NCK2: variants seen among roughly 807,000 people sequenced by gnomAD.
The protein encoded by NCK2 is cytoplasmic protein NCK2.
A neutral mutation model predicts 33.9 loss-of-function variants in NCK2; 16 were observed. The ratio of observed to expected loss-of-function variants is 0.47; its 90% CI spans 0.32 to 0.72. The LOEUF (loss-of-function observed/expected upper bound fraction) is 0.72. Among genes scored for constraint, NCK2 ranks in the 30% least tolerant of loss-of-function variants. The pLI is 0.03. For synonymous variants in NCK2, 273 were observed against 239.9 expected, an observed-to-expected ratio of 1.14 and a Z score of -1.27; for missense variants, 418 against 537.3, an observed-to-expected ratio of 0.78 and a Z score of 2.19.
rs529903003 is a variant in NCK2, at chr2:105,763,686, G to T, written c.-201+18548G>T. Among the ~76,000 whole-genome samples the T allele has an allele frequency of 1.7e-4, 26 of 152,286 alleles. No homozygotes were observed. In the South Asian group the frequency reaches 4.8e-3, roughly 28 times the overall value. ...GGTTTATAATAACTTCCAGTATCAG[G>T]ACAGTGTAAATGACTTAAAATCTCT... On this transcript the variant is annotated intron_variant, in intron 1 of 4. Transcript: ENST00000233154.
chr2:105,846,686 A>T (rs987815555), intron 2 of NCK2: 6 of 152,224 alleles, frequency 3.9e-5, no homozygotes, highest in Non-Finnish European at 8.8e-5. Flanking sequence ...AGGCGTTGAC[A>T]AGGATGTAGA....
intron 1 of NCK2, among the ~76,000 whole-genome samples, chr2:105,806,450 G>A (rs1675045656): frequency 6.6e-6 from 1 of 152,054 alleles, no homozygotes; most frequent in Non-Finnish European, 1.5e-5. Context: ...TGTTACCCAG[G>A]ATGGTCTCGA....
At chr2:105,796,366 C>T (rs1691080855) in intron 1 of NCK2, among the ~76,000 whole-genome samples, 1 of 152,154 alleles carries the variant, frequency 6.6e-6, no homozygotes, top group South Asian at 2.1e-4. Context: ...TTCCTGTTGC[C>T]TCACTTTAGG....
At position 105,796,555 on chromosome 2, in the gene NCK2, C is replaced by G. The variant is rs893533068; in HGVS notation, c.-200-19875C>G. 2.0e-5 allele frequency among the ~76,000 whole-genome samples: 3 copies of G among 152,130 alleles called. No homozygotes were observed. In the East Asian group the frequency reaches 5.8e-4, roughly 29 times the overall value. On this transcript the variant is annotated intron_variant, in intron 1 of 4. Coordinates refer to ENST00000233154, the MANE Select transcript of NCK2 (RefSeq NM_003581.5). ...GGACATGAGTGTGTGGCACAGAACG[C>G]AGGTGTTCAGATCGGCAGCGTCTGG...
chr2:105,859,246 A>G (rs1321843448), intron 3 of NCK2, among the ~76,000 whole-genome samples: 1 of 152,156 alleles, frequency 6.6e-6, no homozygotes, highest in African/African-American at 2.4e-5. Context: ...CAAAGCCCCA[A>G]AGGTTAATTC....
At chr2:105,847,864 AAGCTGATAGCATTAGCATT>A (rs1259822745) in intron 2 of NCK2, among the ~76,000 whole-genome samples, 4 of 152,210 alleles carry the variant, frequency 2.6e-5, no homozygotes, top group African/African-American at 9.6e-5. Context: ...AGCTAGATAC[AAGCTGATAGCATTAGCATT>A]AGCCACACTG....
intron 1 of NCK2, among the ~76,000 whole-genome samples, chr2:105,788,461 A>G (rs1046899884): frequency 3.3e-5 from 5 of 152,098 alleles, no homozygotes; most frequent in Non-Finnish European, 7.4e-5. Context: ...ATCCAAATGA[A>G]CTTTTCTCAT....
intron 1 of NCK2, among the ~76,000 whole-genome samples, chr2:105,792,905 G>C (rs1477268217): frequency 6.6e-6 from 1 of 152,146 alleles, no homozygotes; most frequent in African/African-American, 2.4e-5. Flanking sequence ...GCACTTGCTA[G>C]CCAGGTGAGG....
chr2:105,775,051 C>T (rs912065991), intron 1 of NCK2, among the ~76,000 whole-genome samples: 2 of 152,030 alleles, frequency 1.3e-5, no homozygotes, highest in African/African-American at 4.8e-5. Context: ...TAATAATTAC[C>T]AGATGGATTC....
chr2:105,771,016 G>A (rs370269248), intron 1 of NCK2, among the ~76,000 whole-genome samples: 30 of 151,996 alleles, frequency 2.0e-4, no homozygotes, highest in African/African-American at 6.7e-4. Flanking sequence ...TCTGCCTCCC[G>A]GGTTCACGCC....
At chr2:105,805,911 C>T (rs1279107399) in intron 1 of NCK2, among the ~76,000 whole-genome samples, 2 of 151,836 alleles carry the variant, frequency 1.3e-5, no homozygotes, top group African/African-American at 4.9e-5. Flanking sequence ...ATAAACATAA[C>T]GAGAGGTTTT....
chr2:105,784,040 T>G (rs144660773), intron 1 of NCK2, among the ~76,000 whole-genome samples: 62 of 152,344 alleles, frequency 4.1e-4, no homozygotes, highest in African/African-American at 1.4e-3. Context: ...GGCACCTGGT[T>G]GGCCTCAACA....
chr2:105,864,874 C>CACAT (rs1488877270), intron 3 of NCK2, among the ~76,000 whole-genome samples: 1 of 145,342 alleles, frequency 6.9e-6, no homozygotes, highest in African/African-American at 2.5e-5. Flanking sequence ...CACACACACA[C>CACAT]GGTTCCCTGC....
chr2:105,841,529 T>C (rs985818133), intron 2 of NCK2, among the ~76,000 whole-genome samples: 2 of 152,186 alleles, frequency 1.3e-5, no homozygotes, highest in African/African-American at 4.8e-5. Context: ...CCCTGTCTTT[T>C]TGGGTTTTTA....
chr2:105,857,322 A>T (rs570120472), intron 3 of NCK2: 1 of 152,476 alleles, frequency 6.6e-6, no homozygotes, highest in South Asian at 2.1e-4. Flanking sequence ...CCCGTCCTGG[A>T]GCCGGCACTG....
intron 2 of NCK2, among the ~76,000 whole-genome samples, chr2:105,830,095 TG>T (rs1385176618): frequency 6.6e-6 from 1 of 152,204 alleles, no homozygotes; most frequent in Non-Finnish European, 1.5e-5. Context: ...TTTTCTGTGT[TG>T]GGAACATTCA....
intron 1 of NCK2, among the ~76,000 whole-genome samples, chr2:105,783,807 G>A (rs368158634): frequency 2.6e-5 from 4 of 152,220 alleles, no homozygotes; most frequent in African/African-American, 9.6e-5. Context: ...CCACAGAGAG[G>A]GTTTTGCAGC....
chr2:105,803,400 C>G (rs973706035), intron 1 of NCK2, among the ~76,000 whole-genome samples: 1 of 152,118 alleles, frequency 6.6e-6, no homozygotes, highest in Non-Finnish European at 1.5e-5. Context: ...TAAGAAGGGC[C>G]ACTTCTGTGC....
intron 2 of NCK2, among the ~76,000 whole-genome samples, chr2:105,828,529 T>A (rs1038024410): frequency 6.6e-6 from 1 of 152,214 alleles, no homozygotes; most frequent in Non-Finnish European, 1.5e-5. Flanking sequence ...TGACTTTGTC[T>A]CGACTCTGAA....
Sources: allele counts gnomAD v4.1 joint callset (sites outside exome capture counted in the v4.1 genomes callset), GRCh38; gene constraint gnomAD v4.1.1; transcripts MANE v1.5; gene names NCBI Gene and HGNC (gene_info 2026-07-23, HGNC 2026-07-21).